The following SYT14 variants were observed in gnomAD, a reference collection of about 807,000 sequenced individuals.
SYT14 encodes synaptotagmin-14.
SYT14 carries 32 observed loss-of-function variants against 74.2 expected under a neutral mutation model. The ratio of observed to expected loss-of-function variants is 0.43; its 90% CI spans 0.33 to 0.58. The LOEUF (loss-of-function observed/expected upper bound fraction) is 0.58, where lower values mean the gene tolerates loss of function less well. Ranked by LOEUF, SYT14 falls within the 20% of genes least tolerant of loss-of-function variation. The pLI is 0.05. For missense variants in SYT14, 791 were observed against 981.8 expected (o/e 0.81, Z 2.60); for synonymous variants, 298 against 337.7 (o/e 0.88, Z 1.29).
At chr1:209,977,750 C>T (rs548482977) in intron 2 of SYT14, among the ~76,000 whole-genome samples, 9 of 152,276 alleles carry the variant, frequency 5.9e-5, no homozygotes, top group African/African-American at 1.9e-4. Flanking sequence ...TGAATGTTGG[C>T]CTGCCTTGCT....
chr1:210,020,871 G>GTA (rs936733114), intron 4 of SYT14, among the ~76,000 whole-genome samples, 168 bp from the exon 4 acceptor site: 1 of 151,924 alleles, frequency 6.6e-6, no homozygotes, highest in Admixed American at 6.6e-5. Context: ...GTGTGTGTGT[G>GTA]TATATATGTG....
intron 8 of SYT14, among the ~76,000 whole-genome samples, chr1:210,157,498 C>T (rs533855722): frequency 6.0e-4 from 91 of 151,046 alleles, no homozygotes; most frequent in Non-Finnish European, 4.3e-4. Flanking sequence ...AATCCCAGCA[C>T]TTTAGGAGGC....
chr1:210,068,442 T>C (rs2081335265), intron 5 of SYT14, among the ~76,000 whole-genome samples: 2 of 151,744 alleles, frequency 1.3e-5, no homozygotes, highest in South Asian at 4.1e-4. Flanking sequence ...GATTATTTGC[T>C]TTTTTTCATT....
chr1:210,008,085 A>G (rs1170052438), intron 2 of SYT14, among the ~76,000 whole-genome samples: 1 of 152,184 alleles, frequency 6.6e-6, no homozygotes, highest in Non-Finnish European at 1.5e-5. Flanking sequence ...CTCAGTATCT[A>G]TATCTGTAAA....
At position 210,083,629 on chromosome 1, in the gene SYT14, G is replaced by A. The variant is rs559526820; in HGVS notation, c.1313-10693G>A. On this transcript the variant is annotated intron_variant, in intron 5 of 9. Coordinates refer to ENST00000637265, the Ensembl canonical transcript of SYT14. The stretch of plus-strand genomic sequence containing the variant: ...GTGTTGCCCAGGCTGGAGTGCAGTG[G>A]TGTGATCATGGCTCACTGCTACCTT... 9.3e-5 allele frequency among the ~76,000 whole-genome samples: 14 copies of A among 150,604 alleles called. No homozygotes were observed. In the South Asian group the frequency reaches 2.5e-3, roughly 27 times the overall value.
exon 10 of SYT14, chr1:210,163,514 TA>T (rs1258725637): frequency 2.2e-6 from 1 of 453,628 alleles, no homozygotes; most frequent in African/African-American, 2.0e-5. Flanking sequence ...TATTCATTTG[TA>T]AAGGCAAAGG....
At chr1:210,158,682 C>T (rs2083315772) in intron 8 of SYT14, among the ~76,000 whole-genome samples, 1 of 151,952 alleles carries the variant, frequency 6.6e-6, no homozygotes, top group African/African-American at 2.4e-5. Flanking sequence ...ATAGCAATTG[C>T]CATTATTTTA....
At chr1:210,006,900 T>A (rs1023864124) in intron 2 of SYT14, among the ~76,000 whole-genome samples, 14 of 151,844 alleles carry the variant, frequency 9.2e-5, no homozygotes, top group African/African-American at 3.4e-4. Flanking sequence ...TTCATGTATA[T>A]CCTAGCATTT....
intron 7 of SYT14, among the ~76,000 whole-genome samples, chr1:210,149,265 A>G (rs543836098): frequency 6.7e-6 from 1 of 148,282 alleles, no homozygotes; most frequent in Non-Finnish European, 1.5e-5. Context: ...GCTCACTGCA[A>G]CCTCCACCTC....
At chr1:210,110,482 T>C (rs2102577649) in intron 7 of SYT14, among the ~76,000 whole-genome samples, 2 of 152,240 alleles carry the variant, frequency 1.3e-5, no homozygotes, top group East Asian at 3.9e-4. Context: ...CTTGAGTCAC[T>C]TGGGATATGA....
intron 2 of SYT14, among the ~76,000 whole-genome samples, chr1:209,966,821 T>C (rs1388216571): frequency 6.6e-6 from 1 of 152,208 alleles, no homozygotes; most frequent in Non-Finnish European, 1.5e-5. Context: ...TTCTTTCTTT[T>C]TCCTGCCTTA....
chr1:210,058,328 G>A (rs1406463971), intron 5 of SYT14, among the ~76,000 whole-genome samples: 1 of 152,180 alleles, frequency 6.6e-6, no homozygotes, highest in Non-Finnish European at 1.5e-5. Context: ...AAAGAGAGTT[G>A]GAGTTTTGAA....
chr1:210,043,736 A>G (rs1171235575), intron 5 of SYT14, among the ~76,000 whole-genome samples: 4 of 152,162 alleles, frequency 2.6e-5, no homozygotes, highest in Admixed American at 2.6e-4. Context: ...GGACTTTGAG[A>G]TACTCACATA....
chr1:210,137,829 C>A (rs182342015), intron 7 of SYT14, among the ~76,000 whole-genome samples: 6 of 151,944 alleles, frequency 3.9e-5, no homozygotes, highest in Non-Finnish European at 7.4e-5. Flanking sequence ...TACAGGCATG[C>A]GCCACCACGC....
intron 2 of SYT14, among the ~76,000 whole-genome samples, chr1:209,980,548 C>T (rs1366391558): frequency 1.3e-5 from 2 of 152,112 alleles, no homozygotes; most frequent in African/African-American, 4.8e-5. Context: ...AAGGTATTGC[C>T]TAGATTTTCT....
At chr1:210,165,708 C>T (rs1049910182) in exon 10 of SYT14, 1 of 152,174 alleles carries the variant, frequency 6.6e-6, no homozygotes, top group African/African-American at 2.4e-5. Flanking sequence ...ACATATGTCT[C>T]TCTTCCCCCT....
intron 2 of SYT14, among the ~76,000 whole-genome samples, chr1:209,957,529 G>C (rs6702257): frequency 0.66 from 99,829 of 151,772 alleles, 33,791 homozygotes; most frequent in East Asian, 0.85. Flanking sequence ...TGGGTTCAGG[G>C]GATTCTCCTG....
At chr1:210,160,741 A>C in exon 10 of SYT14, 1 of 1,613,744 alleles carries the variant, frequency 6.2e-7, no homozygotes, top group Non-Finnish European at 8.5e-7. Flanking sequence ...ACATATGTTA[A>C]GTTAACTCTA....
intron 2 of SYT14, among the ~76,000 whole-genome samples, chr1:209,970,946 C>T (rs1183396893): frequency 6.6e-6 from 1 of 151,892 alleles, no homozygotes; most frequent in Non-Finnish European, 1.5e-5. Flanking sequence ...TCCCAAAGTG[C>T]TGGGATTACA....
Sources: allele counts gnomAD v4.1 joint callset (sites outside exome capture counted in the v4.1 genomes callset), GRCh38; gene constraint gnomAD v4.1.1; transcripts MANE v1.5; gene names NCBI Gene and HGNC (gene_info 2026-07-23, HGNC 2026-07-21).